The following HACD1 variants were observed in gnomAD, a reference collection of about 807,000 sequenced individuals.
HACD1 encodes the protein 3-hydroxyacyl-CoA dehydratase 1.
Under a neutral mutation model 32.0 loss-of-function variants are expected in HACD1, and 41 were observed. That is an observed-to-expected ratio of 1.28 (90% CI 1.00 to 1.66). The LOEUF (loss-of-function observed/expected upper bound fraction) is 1.66, where lower values mean the gene tolerates loss of function less well. Among genes scored for constraint, HACD1 ranks in the 40% most tolerant of loss-of-function variants. The pLI is 0.00. For synonymous variants in HACD1, 142 were observed against 139.0 expected (o/e 1.02, Z -0.15); for missense variants, 396 against 380.1 (o/e 1.04, Z -0.35).
At chr10:17,598,350 G>T (rs1834023619) in intron 5 of HACD1, among the ~76,000 whole-genome samples, 1 of 150,916 alleles carries the variant, frequency 6.6e-6, no homozygotes, top group Middle Eastern at 3.5e-3. Flanking sequence ...TAATTTAAAA[G>T]TGGTTTTCCT....
intron 6 of HACD1, among the ~76,000 whole-genome samples, chr10:17,593,112 G>A (rs962312603): frequency 6.6e-6 from 1 of 152,062 alleles, no homozygotes; most frequent in Admixed American, 6.5e-5. Context: ...AGCGATTGGA[G>A]TGAGCTGAGA....
chr10:17,608,024 T>A (rs554804986), intron 1 of HACD1, among the ~76,000 whole-genome samples: 10 of 152,316 alleles, frequency 6.6e-5, no homozygotes, highest in African/African-American at 2.4e-4. Context: ...TAGGATTTTT[T>A]TTTTTAGACA....
chr10:17,614,552 A>G (rs1833043471), intron 1 of HACD1, among the ~76,000 whole-genome samples: 1 of 151,172 alleles, frequency 6.6e-6, no homozygotes, highest in South Asian at 2.1e-4. Context: ...CTACTCTACA[A>G]AAAAATTTTC....
intron 1 of HACD1, among the ~76,000 whole-genome samples, chr10:17,606,072 G>T (rs1246298771): frequency 6.6e-6 from 1 of 152,126 alleles, no homozygotes; most frequent in African/African-American, 2.4e-5. Flanking sequence ...CTACTTGGAA[G>T]GCTGAGGTGG....
At chr10:17,610,536 C>T (rs61844126) in intron 1 of HACD1, among the ~76,000 whole-genome samples, 42,950 of 151,528 alleles carry the variant, frequency 0.28, 6,556 homozygotes, top group African/African-American at 0.36. Flanking sequence ...GTAGTCCCAG[C>T]TACTCGGGAG....
At position 17,594,923 on chromosome 10, in the gene HACD1, A is replaced by G. The variant is rs199569184; in HGVS notation, c.606-540T>C. On this transcript the variant is annotated intron_variant, in intron 5 of 6. Transcript: ENST00000361271. ...GCCTAGACTGGAGTGCAGTGGCACA[A>G]TCTTGGGTCACTGCAACCTCCACCT... 2.7e-5 allele frequency among the ~76,000 whole-genome samples: 4 copies of G among 149,332 alleles called. 1 individual carries two copies. The East Asian group carries it at 8.0e-4, about 30-fold the overall frequency.
intron 4 of HACD1, among the ~76,000 whole-genome samples, chr10:17,601,428 A>G (rs1834069101): frequency 6.6e-6 from 1 of 152,214 alleles, no homozygotes; most frequent in Non-Finnish European, 1.5e-5. Flanking sequence ...CGAGTGCTGA[A>G]TAGGTACCAG....
At position 17,589,185 on chromosome 10, in the gene HACD1, T is replaced by C. The variant is rs1554815372; in HGVS notation, c.*1179A>G. 1 of 152,206 alleles carries C rather than the reference T, an allele frequency of 6.6e-6. No homozygotes were observed. Among genetic ancestry groups the C allele is most frequent in the Non-Finnish European group, 1.5e-5 (1 of 68,040 alleles). 9.4% of individuals were successfully genotyped at this position (152,206 alleles called of 1,614,324 possible). On this transcript the variant is annotated 3_prime_UTR_variant, in exon 7 of 7. Coordinates refer to ENST00000361271, the MANE Select transcript of HACD1 (RefSeq NM_014241.4). Reference sequence around the variant, plus strand: ...ACCACAAAGGGATTATCATAACAATTGTTACAAGATAATTCTACAGTATAG... The same window carrying C: ...ACCACAAAGGGATTATCATAACAATCGTTACAAGATAATTCTACAGTATAG...
intron 1 of HACD1, 128 bp from the exon 2 acceptor site, chr10:17,604,175 G>A (rs1554816856): frequency 7.6e-6 from 5 of 659,786 alleles, no homozygotes; most frequent in Non-Finnish European, 7.9e-6. Context: ...ATAAGTGAGT[G>A]AATGGATACT....
chr10:17,597,402 T>C (rs952855105), intron 5 of HACD1, among the ~76,000 whole-genome samples: 1 of 152,170 alleles, frequency 6.6e-6, no homozygotes, highest in African/African-American at 2.4e-5. Context: ...CCTCCCAAAG[T>C]GTTGGGATTA....
chr10:17,613,919 T>C (rs1401572504), intron 1 of HACD1, among the ~76,000 whole-genome samples: 1 of 78,516 alleles, frequency 1.3e-5, no homozygotes, highest in East Asian at 1.9e-4. Flanking sequence ...GTCAGAGATA[T>C]CAAATGCAAG....
At chr10:17,597,951 T>G (rs1033715438) in intron 5 of HACD1, among the ~76,000 whole-genome samples, 9 of 151,918 alleles carry the variant, frequency 5.9e-5, no homozygotes, top group Non-Finnish European at 1.2e-4. Context: ...TAGAGAATAT[T>G]AAAAAGTCAC....
chr10:17,617,260 A>G lies in HACD1; in HGVS notation c.80T>C (p.Leu27Pro). ...CCTGGGGGACGTGGGAGACAGCGGCAGGAGCGTGGGAGGGGACCCTGCCCA... is the reference window on the plus strand; with the variant it reads ...CCTGGGGGACGTGGGAGACAGCGGCGGGAGCGTGGGAGGGGACCCTGCCCA... ...AGWAGSPPTL[L>P]PLSPTSPRCA... is the part of the protein sequence containing the mutation. Residue 27 changes from leucine to proline, a missense_variant, in exon 1 of 7, where the codon CTG becomes CCG. Transcript: ENST00000361271. The G allele has an allele frequency of 6.8e-7, 1 of 1,476,332 alleles. No individual in the cohort carries two copies. Among genetic ancestry groups the G allele is most frequent in the Non-Finnish European group, 8.9e-7 (1 of 1,119,490 alleles). The allele number at this position is 1,476,332 out of a possible 1,614,324, so 91.5% of individuals were successfully genotyped here.
chr10:17,596,207 T>A (rs1833993386), intron 5 of HACD1, among the ~76,000 whole-genome samples: 1 of 152,164 alleles, frequency 6.6e-6, no homozygotes, highest in South Asian at 2.1e-4. Context: ...TATGCGAAGA[T>A]AAGAGATGGG....
At chr10:17,614,480 C>CCTCAGGCGAT (rs1554817808) in intron 1 of HACD1, among the ~76,000 whole-genome samples, 16,845 of 151,772 alleles carry the variant, frequency 0.11, 1,000 homozygotes, top group East Asian at 0.23. Flanking sequence ...TGGTCTCAGG[C>CCTCAGGCGAT]GATCCACCCG....
intron 1 of HACD1, among the ~76,000 whole-genome samples, chr10:17,607,918 A>G (rs566094275): frequency 7.2e-5 from 11 of 152,230 alleles, no homozygotes; most frequent in Non-Finnish European, 1.3e-4. Flanking sequence ...TAAGGGTCCT[A>G]TATTGAACTA....
rs782674031 is a variant in HACD1 at position 17,594,332 on chromosome 10, A to T, written c.657T>A (p.Leu219=). 6.3e-7 allele frequency: 1 copy of T among 1,586,730 alleles called. No individual in the cohort carries two copies. The highest frequency in any genetic ancestry group is 2.2e-5 in the East Asian group (1 of 44,576). Residue 219 remains leucine (L), a synonymous_variant, in exon 6 of 7, where the codon CTT becomes CTA. Coordinates refer to ENST00000361271, the MANE Select transcript of HACD1 (RefSeq NM_014241.4). The part of the protein sequence containing the change: ...LYPVGVAGEL[L]TIYAALPHVK... ...CATGCGGCAAGGCAGCGTATATTGT[A>T]AGAAGTTCACCAGCAACTCCAACAG...
At chr10:17,611,921 C>T (rs939771650) in intron 1 of HACD1, among the ~76,000 whole-genome samples, 1 of 151,208 alleles carries the variant, frequency 6.6e-6, no homozygotes, top group Admixed American at 6.6e-5. Flanking sequence ...GAGCTGAGAT[C>T]GCACCACTGC....
At chr10:17,594,951 C>T (rs879974248) in intron 5 of HACD1, among the ~76,000 whole-genome samples, 33 of 151,386 alleles carry the variant, frequency 2.2e-4, no homozygotes, top group African/African-American at 8.0e-4. Context: ...CTCCACCTCC[C>T]GGGTTCAAGC....
Sources: gnomAD v4.1 joint callset for allele counts (sites outside exome capture counted in the v4.1 genomes callset) on GRCh38, gnomAD v4.1.1 for gene constraint, MANE v1.5 for transcripts, NCBI Gene and HGNC (gene_info 2026-07-23, HGNC 2026-07-21) for gene names.